DIAPH3: variants seen among roughly 807,000 people sequenced by gnomAD.
DIAPH3 encodes the protein protein diaphanous homolog 3.
DIAPH3 carries 117 observed loss-of-function variants against 144.3 expected under a neutral mutation model. The observed-to-expected ratio is 0.81, with a 90% CI of 0.70 to 0.95. The LOEUF (loss-of-function observed/expected upper bound fraction) is 0.95. Among genes scored for constraint, DIAPH3 ranks in the 40% least tolerant of loss-of-function variants. The probability of loss-of-function intolerance (pLI) is 0.00; values close to 1 mark genes in which losing one functional copy is unlikely to be tolerated. For missense variants in DIAPH3, 1,421 were observed against 1,412.7 expected, an observed-to-expected ratio of 1.01 and a Z score of -0.09; for synonymous variants, 519 against 488.9, an observed-to-expected ratio of 1.06 and a Z score of -0.81.
At chr13:59,982,186 G>C (rs973197448) in intron 13 of DIAPH3, among the ~76,000 whole-genome samples, 2 of 151,126 alleles carry the variant, frequency 1.3e-5, no homozygotes, top group Non-Finnish European at 3.0e-5. Flanking sequence ...TTAAAAATCA[G>C]TAAATACAAT....
intron 27 of DIAPH3, among the ~76,000 whole-genome samples, chr13:59,727,833 G>C (rs1471010197): frequency 3.9e-5 from 6 of 152,124 alleles, no homozygotes; most frequent in Non-Finnish European, 1.5e-5. Flanking sequence ...TACACAATTT[G>C]ACATGCAGCC....
At chr13:60,110,476 T>C (rs971378111) in intron 3 of DIAPH3, among the ~76,000 whole-genome samples, 11 of 152,172 alleles carry the variant, frequency 7.2e-5, no homozygotes, top group Non-Finnish European at 1.3e-4. Context: ...CCTGAGAAGT[T>C]TGAAAAATAT....
At chr13:59,842,576 A>AG (rs1343389081) in intron 22 of DIAPH3, among the ~76,000 whole-genome samples, 1 of 152,080 alleles carries the variant, frequency 6.6e-6, no homozygotes, top group African/African-American at 2.4e-5. Flanking sequence ...ATTTAGTGTC[A>AG]GGCTGTACAG....
At chr13:59,955,742 G>A (rs557375167) in intron 17 of DIAPH3, among the ~76,000 whole-genome samples, 3 of 152,226 alleles carry the variant, frequency 2.0e-5, no homozygotes, top group South Asian at 2.1e-4. Context: ...GGGAAAGTTC[G>A]GAACTTCCTA....
chr13:60,051,216 G>A (rs1237070885), intron 4 of DIAPH3, among the ~76,000 whole-genome samples: 6 of 152,154 alleles, frequency 3.9e-5, no homozygotes, highest in African/African-American at 1.4e-4. Flanking sequence ...GTATAATTTG[G>A]GGGGAGTGGG....
At chr13:59,671,214 C>A (rs1177569933) in intron 27 of DIAPH3, among the ~76,000 whole-genome samples, 1 of 152,152 alleles carries the variant, frequency 6.6e-6, no homozygotes. Context: ...CTATACTCTA[C>A]CAGGTGCTCA....
chr13:60,111,310 A>G (rs1253024190), intron 3 of DIAPH3, among the ~76,000 whole-genome samples: 1 of 152,246 alleles, frequency 6.6e-6, no homozygotes, highest in Non-Finnish European at 1.5e-5. Context: ...TGTTGCAAAA[A>G]GAACCTGTTT....
intron 4 of DIAPH3, among the ~76,000 whole-genome samples, chr13:60,086,648 T>C (rs557838118): frequency 6.6e-6 from 1 of 152,222 alleles, no homozygotes; most frequent in African/African-American, 2.4e-5. Context: ...TGTGAAACTT[T>C]GGTTCTTCTA....
At chr13:60,124,566 T>TTAA (rs1471213554) in intron 2 of DIAPH3, among the ~76,000 whole-genome samples, 1 of 152,154 alleles carries the variant, frequency 6.6e-6, no homozygotes, top group Non-Finnish European at 1.5e-5. Context: ...TTTCTCCGGA[T>TTAA]TAAGGTCAAT....
At position 59,833,206 on chromosome 13, in the gene DIAPH3, CTT is replaced by C. The variant is rs1566382459; in HGVS notation, c.2926_2927del (p.Lys976ValfsTer12). ...TLSKLHENME[K>X]LYQSIIGYYA... ...AGTATCCTATTATACTCTGGTATAA[CTT>C]TTCCATGTTTTCGTGTAACTTCGAA... On this transcript the variant is annotated frameshift_variant, in exon 24 of 28. Coordinates refer to ENST00000400324, the MANE Select transcript of DIAPH3 (RefSeq NM_001042517.2). LOFTEE classifies it high-confidence loss of function. 1 of 1,609,902 alleles carries C rather than the reference CTT, an allele frequency of 6.2e-7. No individual in the cohort carries two copies. The highest frequency in any genetic ancestry group is 1.3e-5 in the African/African-American group (1 of 74,736).
chr13:60,162,809 T>TCACACA (rs35687460), intron 1 of DIAPH3, among the ~76,000 whole-genome samples: 1,319 of 122,470 alleles, frequency 0.011, 16 homozygotes, highest in Non-Finnish European at 0.016. Context: ...TCTCTCTCTC[T>TCACACA]CACACACACA....
intron 27 of DIAPH3, among the ~76,000 whole-genome samples, chr13:59,705,245 A>G (rs1051495805): frequency 6.6e-6 from 1 of 152,206 alleles, no homozygotes; most frequent in East Asian, 1.9e-4. Flanking sequence ...GACTCATGAC[A>G]AGAGAGCCGC....
At chr13:60,111,141 G>T (rs935941345) in intron 3 of DIAPH3, among the ~76,000 whole-genome samples, 3 of 152,066 alleles carry the variant, frequency 2.0e-5, no homozygotes, top group Non-Finnish European at 4.4e-5. Flanking sequence ...GTGCACGGAT[G>T]GGAGAAAAGT....
intron 20 of DIAPH3, among the ~76,000 whole-genome samples, chr13:59,886,881 A>C (rs2045486792): frequency 6.6e-6 from 1 of 152,014 alleles, no homozygotes; most frequent in South Asian, 2.1e-4. Context: ...CTTTCCTCTA[A>C]TGTATTCATC....
chr13:59,828,659 G>A (rs1170977688), intron 24 of DIAPH3, among the ~76,000 whole-genome samples: 2 of 148,174 alleles, frequency 1.3e-5, no homozygotes, highest in South Asian at 4.2e-4. Flanking sequence ...ACTGAAAGAC[G>A]AGGTGGGACA....
At chr13:60,149,616 G>A (rs761103610) in intron 1 of DIAPH3, among the ~76,000 whole-genome samples, 1 of 151,774 alleles carries the variant, frequency 6.6e-6, no homozygotes, top group East Asian at 1.9e-4. Flanking sequence ...TTAGCCAAGC[G>A]GTGCAGCGTG....
At chr13:60,044,581 T>G (rs2055928091) in intron 4 of DIAPH3, among the ~76,000 whole-genome samples, 1 of 152,160 alleles carries the variant, frequency 6.6e-6, no homozygotes, top group African/African-American at 2.4e-5. Flanking sequence ...AAGGACTGAT[T>G]GTTCAACAGA....
At chr13:60,156,059 C>T (rs1487308330) in intron 1 of DIAPH3, among the ~76,000 whole-genome samples, 1 of 152,154 alleles carries the variant, frequency 6.6e-6, no homozygotes, top group African/African-American at 2.4e-5. Context: ...GTTCTGGAGG[C>T]CTGAAGTCCC....
At chr13:59,899,370 AAAG>A (rs1566487200) in intron 20 of DIAPH3, among the ~76,000 whole-genome samples, 1 of 152,244 alleles carries the variant, frequency 6.6e-6, no homozygotes, top group Non-Finnish European at 1.5e-5. Context: ...ATGCAATTTC[AAAG>A]AAGGTGCATT....
Sources: gnomAD v4.1 joint callset for allele counts (sites outside exome capture counted in the v4.1 genomes callset) on GRCh38, gnomAD v4.1.1 for gene constraint, MANE v1.5 for transcripts, NCBI Gene and HGNC (gene_info 2026-07-23, HGNC 2026-07-21) for gene names.